ELOA: variants seen among roughly 807,000 people sequenced by gnomAD.
ELOA encodes the protein elongin-A.
In ELOA, 15 loss-of-function variants were observed where a neutral mutation model predicts 85.2. That is an observed-to-expected ratio of 0.18 (90% CI 0.12 to 0.27). The LOEUF is 0.27. Among genes scored for constraint, ELOA ranks in the 10% least tolerant of loss-of-function variants. ELOA has a pLI of 1.00. For missense variants in ELOA, 769 were observed against 952.7 expected (o/e 0.81, Z 2.54); for synonymous variants, 348 against 357.2 (o/e 0.97, Z 0.29).
At chr1:23,756,231 T>A (rs1644794267) in intron 8 of ELOA, 43 bp from the exon 9 acceptor site, 1 of 1,513,816 alleles carries the variant, frequency 6.6e-7, no homozygotes, top group Admixed American at 2.2e-5. Flanking sequence ...AACAGTAGCA[T>A]CTCTGCTCAA....
At chr1:23,748,955 C>A in intron 1 of ELOA, 66 bp from the exon 2 acceptor site, 1 of 1,357,038 alleles carries the variant, frequency 7.4e-7, no homozygotes, top group Admixed American at 1.7e-5. Flanking sequence ...GCACTAAGCA[C>A]TTAATAATCA....
chr1:23,757,204 C>T (rs1644798124), intron 10 of ELOA, 79 bp downstream of exon 10: 2 of 1,441,450 alleles, frequency 1.4e-6, no homozygotes, highest in African/African-American at 1.4e-5. Flanking sequence ...CACTGTATTA[C>T]ATTTTGTGGA....
intron 10 of ELOA, among the ~76,000 whole-genome samples, chr1:23,757,793 C>T (rs1022978918): frequency 5.5e-4 from 83 of 150,084 alleles, no homozygotes; most frequent in Admixed American, 2.9e-3. Flanking sequence ...CCACTGTGCC[C>T]GGCCGACCCT....
At chr1:23,746,972 G>T (rs1299321873) in intron 1 of ELOA, among the ~76,000 whole-genome samples, 3 of 152,156 alleles carry the variant, frequency 2.0e-5, no homozygotes, top group African/African-American at 7.2e-5. Context: ...GACTAAATGA[G>T]TCTGAAAATC....
intron 10 of ELOA, among the ~76,000 whole-genome samples, chr1:23,759,177 C>G (rs1638254310): frequency 6.6e-6 from 1 of 152,220 alleles, no homozygotes; most frequent in African/African-American, 2.4e-5. Context: ...GAGTGAGACT[C>G]TTTCCTTACA....
intron 3 of ELOA, among the ~76,000 whole-genome samples, chr1:23,750,170 C>CCTTTTTTT (rs1553125603): frequency 1.8e-4 from 16 of 90,516 alleles, no homozygotes; most frequent in Non-Finnish European, 1.9e-4. Flanking sequence ...TGGTACGTTT[C>CCTTTTTTT]TTTTTTTTTT....
Position 23,759,935 on chromosome 1 carries a change from C to T in ELOA, c.*362C>T, listed in dbSNP as rs562303223. ...CCCAGGTTTGTTTTTGTTTTTTGTC[C>T]TCTACCACACATTTAGCCTTTTATC... On this transcript the variant is annotated 3_prime_UTR_variant, in exon 11 of 11. Coordinates refer to ENST00000613537, the MANE Select transcript of ELOA (RefSeq NM_003198.3). The T allele has an allele frequency of 3.3e-4, 81 of 243,490 alleles. No homozygotes were observed. Among genetic ancestry groups the T allele is most frequent in the Middle Eastern group, 1.5e-3 (1 of 650 alleles). The allele number at this position is 243,490 out of a possible 1,614,324, so 15.1% of individuals were successfully genotyped here. A position where few individuals can be genotyped will look rare whatever the true frequency, so the allele number is the denominator to read the frequency against.
chr1:23,752,669 G>A (rs547753698), intron 5 of ELOA, 151 bp downstream of exon 5: 23 of 743,086 alleles, frequency 3.1e-5, no homozygotes, highest in African/African-American at 2.1e-4. Flanking sequence ...CCAACCAGGC[G>A]TGGTGGCTCA....
Position 23,751,520 on chromosome 1 carries a change from G to A in ELOA, c.915G>A (p.Glu305=), listed in dbSNP as rs765662134. 6.2e-6 allele frequency: 10 copies of A among 1,614,118 alleles called. No homozygotes were observed. The East Asian group carries it at 2.0e-4, about 32-fold the overall frequency. The change falls in exon 4 of 11, where the codon GAG becomes GAA. Residue 305 remains glutamate (E), a synonymous_variant. Transcript: ENST00000613537. The stretch of plus-strand genomic sequence containing the variant: ...GCGTAAAGAAAGAGAAGGACAGAGA[G>A]GGCAGCAGCCTGAAGAAGAAGTGTT... ...SSGVKKEKDR[E]GSSLKKKCLP...
chr1:23,750,989 C>G lies in ELOA; in HGVS notation c.384C>G (p.His128Gln). 2 of 1,614,066 alleles carry G rather than the reference C, an allele frequency of 1.2e-6. No homozygotes were observed. Among genetic ancestry groups the G allele is most frequent in the African/African-American group, 2.7e-5 (2 of 75,056 alleles). The stretch of plus-strand genomic sequence containing the variant: ...GGAGCCGATCCTATAGCCCTGACCA[C>G]AGGCAGAAGAAACATAGGAAACTCT... ...ATGSRSYSPD[H>Q]RQKKHRKLSE... The change falls in exon 4 of 11, where the codon CAC (histidine) becomes CAG (glutamine). Residue 128 changes from histidine to glutamine, a missense_variant. Transcript: ENST00000613537.
chr1:23,755,557 G>A (rs536649164), intron 7 of ELOA, among the ~76,000 whole-genome samples: 97 of 152,144 alleles, frequency 6.4e-4, no homozygotes, highest in African/African-American at 2.1e-3. Context: ...CAAGGTGGGC[G>A]GATTATCTGA....
intron 1 of ELOA, among the ~76,000 whole-genome samples, chr1:23,744,961 A>G (rs1179474772): frequency 2.0e-5 from 3 of 152,184 alleles, no homozygotes; most frequent in Non-Finnish European, 4.4e-5. Flanking sequence ...TTTTTCTTGA[A>G]GAGCCACTTT....
chr1:23,758,089 T>G (rs954173123), intron 10 of ELOA, among the ~76,000 whole-genome samples: 5 of 151,546 alleles, frequency 3.3e-5, no homozygotes, highest in Admixed American at 6.6e-5. Flanking sequence ...GGCACTCTTC[T>G]TTTTTCACCT....
chr1:23,755,739 C>A, intron 7 of ELOA, 104 bp from the exon 8 acceptor site: 1 of 1,175,304 alleles, frequency 8.5e-7, no homozygotes, highest in Non-Finnish European at 1.2e-6. Context: ...AAAATTGCAC[C>A]ACTGCACTGC....
rs1400709240 is a variant in ELOA, at chr1:23,759,422, A to AAT, written c.2258-88_2258-87dup. 8 of 1,288,190 alleles carry AAT rather than the reference A, an allele frequency of 6.2e-6. No homozygotes were observed. In the East Asian group the frequency reaches 1.6e-4, roughly 26 times the overall value. The allele number at this position is 1,288,190 out of a possible 1,614,324, so 79.8% of individuals were successfully genotyped here. ...CTCTGCCTGGTGGTGCACAGCCAAG[A>AAT]ATAGCAGAGCTGGCTTTGACTGTAA... On this transcript the variant is annotated intron_variant, in intron 10 of 10. Transcript: ENST00000613537.
Position 23,751,698 on chromosome 1 carries a change from G to T in ELOA, c.1093G>T (p.Gly365Cys). The change falls in exon 4 of 11, where the codon GGT becomes TGT. Residue 365 changes from glycine to cysteine, a missense_variant. This residue lies in a region of ELOA where 440 missense variants were observed against 474.0 expected (regional missense o/e 0.93). Transcript: ENST00000613537. ...GDLLPKVKEK[G>C]SNNLKTPEGK... is the part of the protein sequence containing the mutation. ...CCTGTTGCCCAAGGTAAAAGAGAAG[G>T]GTTCTAACAACCTAAAGACTCCAGA... The T allele has an allele frequency of 1.2e-6, 2 of 1,614,102 alleles. No individual in the cohort carries two copies. Among genetic ancestry groups the T allele is most frequent in the South Asian group, 2.2e-5 (2 of 91,080 alleles).
chr1:23,749,081 A>C lies in ELOA; in HGVS notation c.132+4A>C. On this transcript the variant is annotated splice_donor_region_variant and intron_variant, in intron 2 of 10. Coordinates refer to ENST00000613537, the MANE Select transcript of ELOA (RefSeq NM_003198.3). ...TATTACAGTAGACATTCTTGCGGTAAGAACTGTGTGACTTTAAATATTATA... is the reference window on the plus strand; with the variant it reads ...TATTACAGTAGACATTCTTGCGGTACGAACTGTGTGACTTTAAATATTATA... The C allele has an allele frequency of 1.2e-6, 2 of 1,609,856 alleles. No individual in the cohort carries two copies. Among genetic ancestry groups the C allele is most frequent in the African/African-American group, 2.7e-5 (2 of 74,940 alleles).
At chr1:23,743,788 C>A (rs1644733965) in intron 1 of ELOA, among the ~76,000 whole-genome samples, 1 of 152,214 alleles carries the variant, frequency 6.6e-6, no homozygotes, top group Admixed American at 6.5e-5. Context: ...GGCCGCTCCC[C>A]CTCCCTCACG....
Position 23,751,612 on chromosome 1 carries a change from C to G in ELOA, c.1007C>G (p.Ala336Gly). ...KKPKHRDPEK[A>G]KLDKSKQGLD... ...CCAAAGCACAGAGACCCAGAGAAAG[C>G]CAAATTGGACAAAAGCAAGCAAGGT... is the stretch of plus-strand genomic sequence containing the variant. The change falls in exon 4 of 11, where the codon GCC becomes GGC. Residue 336 changes from alanine (A) to glycine (G), a missense_variant. Ala to Gly is a moderately conservative substitution (Grantham distance 60). Around this residue, in one of 4 missense-constraint regions of ELOA, gnomAD observed 440 missense variants for 474.0 expected, o/e 0.93. Transcript: ENST00000613537. The G allele has an allele frequency of 6.2e-7, 1 of 1,614,156 alleles. No homozygotes were observed. The highest frequency in any genetic ancestry group is 8.5e-7 in the Non-Finnish European group (1 of 1,180,040).
Sources: gnomAD v4.1 joint callset for allele counts (sites outside exome capture counted in the v4.1 genomes callset) on GRCh38, gnomAD v4.1.1 for gene constraint, gnomAD v4.1.1 regional missense constraint, MANE v1.5 for transcripts, NCBI Gene and HGNC (gene_info 2026-07-23, HGNC 2026-07-21) for gene names.